Variants in TMX3 observed in about 807,000 individuals in gnomAD.
The protein encoded by TMX3 is thioredoxin related transmembrane protein 3.
A neutral mutation model predicts 64.4 loss-of-function variants in TMX3; 40 were observed. The observed-to-expected ratio is 0.62, with a 90% CI of 0.48 to 0.81. The LOEUF (loss-of-function observed/expected upper bound fraction) is 0.81, where lower values mean the gene tolerates loss of function less well. Ranked by LOEUF, TMX3 falls within the 30% of genes least tolerant of loss-of-function variation. The probability of loss-of-function intolerance (pLI) is 0.00; values close to 1 mark genes in which losing one functional copy is unlikely to be tolerated. For synonymous variants in TMX3, 189 were observed against 175.7 expected (o/e 1.08, Z -0.60); for missense variants, 497 against 534.5 (o/e 0.93, Z 0.69).
At chr18:68,707,781 T>C (rs1258838259) in intron 4 of TMX3, among the ~76,000 whole-genome samples, 1 of 152,162 alleles carries the variant, frequency 6.6e-6, no homozygotes, top group Non-Finnish European at 1.5e-5. Context: ...GCAAGATTTG[T>C]CTGGATCTTT....
intron 15 of TMX3, among the ~76,000 whole-genome samples, chr18:68,677,549 AGG>A (rs1278204856): frequency 4.8e-4 from 73 of 152,230 alleles, no homozygotes; most frequent in African/African-American, 1.7e-3. Context: ...CCTGAACCAC[AGG>A]AATCTGCTTA....
intron 8 of TMX3, among the ~76,000 whole-genome samples, chr18:68,692,673 CT>C (rs1197088088): frequency 1.3e-5 from 2 of 152,250 alleles, no homozygotes; most frequent in East Asian, 3.9e-4. Flanking sequence ...ATTATTTCCC[CT>C]AGCAGACTTT....
At chr18:68,697,464 T>C (rs905854576) in intron 7 of TMX3, 161 bp from the exon 8 acceptor site, 2 of 425,864 alleles carry the variant, frequency 4.7e-6, no homozygotes, top group Non-Finnish European at 8.5e-6. Context: ...GCAAATAAAA[T>C]TGTTTCCAAG....
intron 10 of TMX3, chr18:68,686,657 A>C: frequency 1.1e-6 from 1 of 900,088 alleles, no homozygotes; most frequent in Non-Finnish European, 1.3e-6. Flanking sequence ...CAGTGAGCCA[A>C]GATCACGTCA....
At chr18:68,694,364 A>G (rs1914846484) in intron 8 of TMX3, among the ~76,000 whole-genome samples, 1 of 152,172 alleles carries the variant, frequency 6.6e-6, no homozygotes, top group African/African-American at 2.4e-5. Context: ...TGGTTCTTGC[A>G]GTGGAAGCCA....
At position 68,674,697 on chromosome 18, in the gene TMX3, AAT is replaced by A. The variant is rs753575177; in HGVS notation, c.*2234_*2235del. 1.3e-5 allele frequency: 2 copies of A among 152,236 alleles called. No homozygotes were observed. Among genetic ancestry groups the A allele is most frequent in the East Asian group, 1.9e-4 (1 of 5,184 alleles). 9.4% of individuals were successfully genotyped at this position (152,236 alleles called of 1,614,324 possible). A position where few individuals can be genotyped will look rare whatever the true frequency, so the allele number is the denominator to read the frequency against. On this transcript the variant is annotated 3_prime_UTR_variant, in exon 16 of 16. Transcript: ENST00000299608. ...AACAAATTTTAGAATCTGTTTTGTG[AAT>A]AGTCTGACAATGTAAATAAACATCT...
intron 5 of TMX3, 184 bp from the exon 6 acceptor site, chr18:68,700,669 A>G (rs772834837): frequency 1.7e-5 from 16 of 915,270 alleles, no homozygotes; most frequent in Non-Finnish European, 2.0e-5. Context: ...GTAACACAAA[A>G]GAAAAGAGGC....
chr18:68,684,039 G>C, intron 12 of TMX3, 151 bp downstream of exon 12: 1 of 649,034 alleles, frequency 1.5e-6, no homozygotes, highest in Non-Finnish European at 2.7e-6. Flanking sequence ...GTCTTGGAAT[G>C]TATCTCCTGT....
chr18:68,691,377 A>G lies in TMX3; in HGVS notation c.571-16T>C. 2.1e-6 allele frequency: 3 copies of G among 1,462,304 alleles called. No homozygotes were observed. Among genetic ancestry groups the G allele is most frequent in the South Asian group, 2.9e-5 (2 of 68,070 alleles). 90.6% of individuals were successfully genotyped at this position (1,462,304 alleles called of 1,614,324 possible). ...GTGTCACATACTGCAAAAAATCAGA[A>G]GTTTAAATAACTTTTATCACTAAAA... On this transcript the variant is annotated splice_polypyrimidine_tract_variant and intron_variant, in intron 8 of 15. Coordinates refer to ENST00000299608, the MANE Select transcript of TMX3 (RefSeq NM_019022.5).
Position 68,679,499 on chromosome 18 carries a change from C to T in TMX3, c.1068G>A (p.Leu356=), listed in dbSNP as rs777141378. 1 of 1,612,268 alleles carries T rather than the reference C, an allele frequency of 6.2e-7. No homozygotes were observed. The highest frequency in any genetic ancestry group is 2.2e-5 in the East Asian group (1 of 44,798). The change falls in exon 15 of 16, where the codon TTG becomes TTA. Residue 356 remains leucine (L), a synonymous_variant. Transcript: ENST00000299608. ...AQGGDSILQR[L]KRIVFDAKST... is the part of the protein sequence containing the mutation. Reference sequence around the variant, plus strand: ...ATTTGGCATCAAATACTATTCTTTTCAATCTCTGCAAAATGCTATCACCTC... The same window carrying T: ...ATTTGGCATCAAATACTATTCTTTTTAATCTCTGCAAAATGCTATCACCTC...
In TMX3 at chr18:68,684,249, G is replaced by T. The variant is rs1159180268; in HGVS notation, c.795-6C>A. The T allele has an allele frequency of 6.2e-7, 1 of 1,609,506 alleles. No homozygotes were observed. Among genetic ancestry groups the T allele is most frequent in the Non-Finnish European group, 8.5e-7 (1 of 1,176,804 alleles). On this transcript the variant is annotated splice_region_variant and splice_polypyrimidine_tract_variant and intron_variant, in intron 11 of 15. Transcript: ENST00000299608. Reference sequence around the variant, plus strand: ...CCTGAATAATTGACTTCAATCTGTAGAAGAACAAACATATGAATAGTTCAT... The same window carrying T: ...CCTGAATAATTGACTTCAATCTGTATAAGAACAAACATATGAATAGTTCAT...
chr18:68,695,357 T>C (rs1259430471), intron 8 of TMX3, among the ~76,000 whole-genome samples: 2 of 152,218 alleles, frequency 1.3e-5, no homozygotes, highest in East Asian at 3.9e-4. Context: ...CCTACTCATT[T>C]CCTTAAAAAA....
chr18:68,697,109 A>C, intron 8 of TMX3, 117 bp downstream of exon 8: 1 of 612,884 alleles, frequency 1.6e-6, no homozygotes, highest in Non-Finnish European at 2.8e-6. Flanking sequence ...ACAGTAAATA[A>C]ATCTGATATT....
At position 68,676,815 on chromosome 18, in the gene TMX3, T is replaced by C. The variant is rs1912962631; in HGVS notation, c.*118A>G. 4 of 1,304,082 alleles carry C rather than the reference T, an allele frequency of 3.1e-6. No individual in the cohort carries two copies. Among genetic ancestry groups the C allele is most frequent in the South Asian group, 1.5e-5 (1 of 65,734 alleles). The allele number at this position is 1,304,082 out of a possible 1,614,324, so 80.8% of individuals were successfully genotyped here. A position where few individuals can be genotyped will look rare whatever the true frequency, so the allele number is the denominator to read the frequency against. ...ACTACTTTAATCCATGCAGTTGATA[T>C]TAGCAAAATACGAATAACATGTTCT... On this transcript the variant is annotated 3_prime_UTR_variant, in exon 16 of 16. Transcript: ENST00000299608.
intron 8 of TMX3, among the ~76,000 whole-genome samples, chr18:68,692,889 C>A (rs1018084658): frequency 6.6e-6 from 1 of 152,130 alleles, no homozygotes; most frequent in South Asian, 2.1e-4. Flanking sequence ...CCTAAGACAC[C>A]CCCATTGTTA....
chr18:68,677,976 CT>C (rs1382503318), intron 15 of TMX3, among the ~76,000 whole-genome samples: 1 of 152,002 alleles, frequency 6.6e-6, no homozygotes, highest in African/African-American at 2.4e-5. Context: ...GAGGAAAATA[CT>C]TTAGATGGAC....
At chr18:68,701,597 C>G (rs1414772159) in intron 5 of TMX3, 148 bp downstream of exon 5, 25 of 1,510,598 alleles carry the variant, frequency 1.7e-5, no homozygotes, top group Non-Finnish European at 2.1e-5. Flanking sequence ...GAAGCAGTCC[C>G]TCTCCTTTAA....
chr18:68,680,939 C>T lies in TMX3; in HGVS notation c.1035+42G>A, dbSNP rs1365205784. ...AGAAATGAACTAGTTTCTCCTCTAC[C>T]CCCTGTCCATCATCTCTTTGAAACA... On this transcript the variant is annotated intron_variant, in intron 14 of 15. Transcript: ENST00000299608. 2.0e-6 allele frequency: 3 copies of T among 1,514,652 alleles called. No individual in the cohort carries two copies. In the South Asian group the frequency reaches 4.2e-5, roughly 21 times the overall value. The allele number at this position is 1,514,652 out of a possible 1,614,324, so 93.8% of individuals were successfully genotyped here. A position where few individuals can be genotyped will look rare whatever the true frequency, so the allele number is the denominator to read the frequency against.
intron 8 of TMX3, among the ~76,000 whole-genome samples, chr18:68,692,950 A>C (rs978349053): frequency 6.6e-6 from 1 of 152,170 alleles, no homozygotes; most frequent in Admixed American, 6.5e-5. Flanking sequence ...AACACAGCAA[A>C]CCCTCTGGTG....
Sources: gnomAD v4.1 joint callset for allele counts (sites outside exome capture counted in the v4.1 genomes callset) on GRCh38, gnomAD v4.1.1 for gene constraint, MANE v1.5 for transcripts, NCBI Gene and HGNC (gene_info 2026-07-23, HGNC 2026-07-21) for gene names.